Variants in CNTNAP2 observed in about 807,000 individuals in gnomAD.
CNTNAP2 encodes contactin associated protein 2.
A neutral mutation model predicts 155.2 loss-of-function variants in CNTNAP2; 98 were observed. That is an observed-to-expected ratio of 0.63 (90% CI 0.54 to 0.75). CNTNAP2 has a LOEUF of 0.75. Among genes scored for constraint, CNTNAP2 ranks in the 30% least tolerant of loss-of-function variants. The pLI, the probability that CNTNAP2 is intolerant of heterozygous loss-of-function variation, is 0.00. For synonymous variants in CNTNAP2, 651 were observed against 631.2 expected, an observed-to-expected ratio of 1.03 and a Z score of -0.47; for missense variants, 1,727 against 1,688.1, an observed-to-expected ratio of 1.02 and a Z score of -0.40.
intron 8 of CNTNAP2, among the ~76,000 whole-genome samples, chr7:147,155,573 G>T (rs1444829088): frequency 1.3e-5 from 2 of 152,098 alleles, no homozygotes; most frequent in East Asian, 3.9e-4. Context: ...TACAATTAAA[G>T]ATTTAATGCC....
At chr7:148,073,583 T>C (rs1353690145) in intron 15 of CNTNAP2, among the ~76,000 whole-genome samples, 1 of 152,224 alleles carries the variant, frequency 6.6e-6, no homozygotes, top group African/African-American at 2.4e-5. Context: ...CATTCAAAAA[T>C]TCCTTACTTT....
Position 146,669,866 on chromosome 7 carries a change from T to G in CNTNAP2, c.98-104405T>G, listed in dbSNP as rs375078955. Among the ~76,000 whole-genome samples, 36 of 152,030 alleles carry G rather than the reference T, an allele frequency of 2.4e-4. No homozygotes were observed. In the South Asian group the frequency reaches 5.0e-3, roughly 21 times the overall value. On this transcript the variant is annotated intron_variant, in intron 1 of 23. Transcript: ENST00000361727. ...AAATTTGGAGTTCTAATTTAACCGT[T>G]TTTTCATGTTCTTTATCTTAGATTC...
chr7:146,930,414 G>T (rs1053893304), intron 3 of CNTNAP2, among the ~76,000 whole-genome samples: 10 of 152,060 alleles, frequency 6.6e-5, no homozygotes, highest in Non-Finnish European at 8.8e-5. Context: ...CACCAGGCCT[G>T]CCCTAAAAGA....
intron 13 of CNTNAP2, among the ~76,000 whole-genome samples, chr7:147,784,761 G>T (rs1797713419): frequency 6.6e-6 from 1 of 151,370 alleles, no homozygotes; most frequent in Non-Finnish European, 1.5e-5. Flanking sequence ...ATAAAAGCCA[G>T]GCTTAAGTGA....
At chr7:147,149,371 A>T (rs1352348077) in intron 8 of CNTNAP2, among the ~76,000 whole-genome samples, 1 of 152,128 alleles carries the variant, frequency 6.6e-6, no homozygotes, top group Admixed American at 6.5e-5. Context: ...TGCATTTACA[A>T]TCTTCTAGCT....
chr7:148,317,610 G>A (rs979121929), intron 21 of CNTNAP2, among the ~76,000 whole-genome samples: 1 of 152,152 alleles, frequency 6.6e-6, no homozygotes, highest in East Asian at 1.9e-4. Context: ...TAGTATCAAA[G>A]CAATGTTAGA....
chr7:148,322,626 C>T (rs1184248573), intron 21 of CNTNAP2, among the ~76,000 whole-genome samples: 1 of 152,058 alleles, frequency 6.6e-6, no homozygotes, highest in African/African-American at 2.4e-5. Context: ...TAATTTTTTG[C>T]TGCAATATGT....
chr7:148,054,704 T>A (rs1242461361), intron 15 of CNTNAP2, among the ~76,000 whole-genome samples: 1 of 151,922 alleles, frequency 6.6e-6, no homozygotes, highest in Admixed American at 6.6e-5. Context: ...TTGCTGATCA[T>A]CCCCTGGGAA....
At chr7:147,296,045 G>C (rs1291217833) in intron 8 of CNTNAP2, among the ~76,000 whole-genome samples, 1 of 152,130 alleles carries the variant, frequency 6.6e-6, no homozygotes, top group Non-Finnish European at 1.5e-5. Context: ...TTTTGTGATG[G>C]AGAAATTGTC....
At chr7:146,683,298 G>T (rs1800537518) in intron 1 of CNTNAP2, among the ~76,000 whole-genome samples, 1 of 152,176 alleles carries the variant, frequency 6.6e-6, no homozygotes, top group South Asian at 2.1e-4. Flanking sequence ...CTCCCAAAGT[G>T]CTGGGATTAC....
At chr7:147,409,512 C>T (rs1797066358) in intron 10 of CNTNAP2, among the ~76,000 whole-genome samples, 1 of 152,086 alleles carries the variant, frequency 6.6e-6, no homozygotes, top group East Asian at 1.9e-4. Context: ...ATGACGAAGA[C>T]ACAAAAGCAA....
At position 147,658,149 on chromosome 7, in the gene CNTNAP2, T is replaced by C. The variant is rs972283214; in HGVS notation, c.2098+18843T>C. ...GCGGGCGCCTGTGGTCCCAGCTACT[T>C]GGGAGGCTGAGGCAGGAGAATGGCG... On this transcript the variant is annotated intron_variant, in intron 13 of 23. Coordinates refer to ENST00000361727, the MANE Select transcript of CNTNAP2 (RefSeq NM_014141.6). Among the ~76,000 whole-genome samples the C allele has an allele frequency of 1.3e-4, 18 of 139,758 alleles. 1 individual carries two copies. The highest frequency in any genetic ancestry group is 2.5e-4 in the Non-Finnish European group (16 of 63,638). The allele number at this position is 139,758 out of a possible 152,430, so 91.7% of individuals were successfully genotyped here.
chr7:148,395,644 A>AT (rs1336044834), intron 22 of CNTNAP2, among the ~76,000 whole-genome samples: 1 of 152,100 alleles, frequency 6.6e-6, no homozygotes, highest in African/African-American at 2.4e-5. Flanking sequence ...GTGGCTAAAC[A>AT]TGACTGGCAG....
intron 9 of CNTNAP2, among the ~76,000 whole-genome samples, chr7:147,305,173 C>T (rs921540770): frequency 1.3e-5 from 2 of 152,162 alleles, no homozygotes; most frequent in East Asian, 3.9e-4. Flanking sequence ...TCTCAATCCT[C>T]ATTGAAATAG....
intron 10 of CNTNAP2, among the ~76,000 whole-genome samples, chr7:147,396,615 TATG>T (rs1796821476): frequency 6.6e-6 from 1 of 152,178 alleles, no homozygotes; most frequent in Non-Finnish European, 1.5e-5. Flanking sequence ...TGTGAAATAT[TATG>T]ATTATACTGC....
chr7:148,071,815 C>A (rs1346362097), intron 15 of CNTNAP2, among the ~76,000 whole-genome samples: 1 of 152,148 alleles, frequency 6.6e-6, no homozygotes, highest in Non-Finnish European at 1.5e-5. Flanking sequence ...TTCAATTCAC[C>A]ATTGCCTGCT....
At chr7:147,667,417 G>A (rs1366306419) in intron 13 of CNTNAP2, among the ~76,000 whole-genome samples, 1 of 152,114 alleles carries the variant, frequency 6.6e-6, no homozygotes, top group Admixed American at 6.5e-5. Context: ...AAATGTTGCA[G>A]GCTACAAATA....
intron 11 of CNTNAP2, among the ~76,000 whole-genome samples, chr7:147,542,203 C>T (rs1388238760): frequency 1.3e-5 from 2 of 152,034 alleles, no homozygotes; most frequent in Non-Finnish European, 2.9e-5. Context: ...AGTGCCTCCT[C>T]ACCTACCACA....
At chr7:148,227,832 C>T (rs1268627357) in intron 19 of CNTNAP2, among the ~76,000 whole-genome samples, 1 of 149,908 alleles carries the variant, frequency 6.7e-6, no homozygotes, top group African/African-American at 2.5e-5. Context: ...CCTTTGAAAT[C>T]CAGGAACATG....
Sources: allele counts gnomAD v4.1 joint callset (sites outside exome capture counted in the v4.1 genomes callset), GRCh38; gene constraint gnomAD v4.1.1; transcripts MANE v1.5; gene names NCBI Gene and HGNC (gene_info 2026-07-23, HGNC 2026-07-21).